The following PPFIBP2 variants were observed in gnomAD, a reference collection of about 807,000 sequenced individuals.
PPFIBP2 encodes PPFIB scaffold protein 2, also known as liprin-beta-2.
In PPFIBP2, 118 loss-of-function variants were observed where a neutral mutation model predicts 118.3. The ratio of observed to expected loss-of-function variants is 1.00; its 90% CI spans 0.86 to 1.16. The LOEUF (loss-of-function observed/expected upper bound fraction) is 1.16. Among genes scored for constraint, PPFIBP2 ranks in the 50% most tolerant of loss-of-function variants. The pLI is 0.00. For missense variants in PPFIBP2, 1,195 were observed against 1,073.1 expected, an observed-to-expected ratio of 1.11 and a Z score of -1.59; for synonymous variants, 414 against 397.4, an observed-to-expected ratio of 1.04 and a Z score of -0.50.
chr11:7,597,471 G>A, intron 4 of PPFIBP2, 89 bp from the exon 5 acceptor site: 1 of 1,530,236 alleles, frequency 6.5e-7, no homozygotes, highest in Admixed American at 1.9e-5. Flanking sequence ...AGTCAGTGGT[G>A]AGATTTAACG....
chr11:7,572,882 C>T (rs1309442165), intron 3 of PPFIBP2, among the ~76,000 whole-genome samples: 1 of 152,198 alleles, frequency 6.6e-6, no homozygotes, highest in Non-Finnish European at 1.5e-5. Flanking sequence ...CAGGTTCAAG[C>T]AATTCTCCTG....
chr11:7,628,521 T>C (rs578195382), intron 9 of PPFIBP2, among the ~76,000 whole-genome samples, 175 bp downstream of exon 9: 3 of 152,220 alleles, frequency 2.0e-5, no homozygotes, highest in Non-Finnish European at 4.4e-5. Flanking sequence ...CACCTGTTTT[T>C]GGCTTTGATA....
chr11:7,590,707 A>C (rs951770854), intron 3 of PPFIBP2, among the ~76,000 whole-genome samples: 5 of 152,246 alleles, frequency 3.3e-5, no homozygotes, highest in African/African-American at 1.2e-4. Context: ...TATTTACAGC[A>C]CTGTGCCTGG....
chr11:7,553,017 T>C (rs948679226), intron 2 of PPFIBP2, among the ~76,000 whole-genome samples: 3 of 152,146 alleles, frequency 2.0e-5, no homozygotes, highest in African/African-American at 7.2e-5. Flanking sequence ...CCATAATTGG[T>C]GGTTTTAGGC....
intron 3 of PPFIBP2, among the ~76,000 whole-genome samples, chr11:7,572,789 T>G (rs1361636322): frequency 6.6e-6 from 1 of 152,244 alleles, no homozygotes; most frequent in Non-Finnish European, 1.5e-5. Context: ...TGTTTTGTTT[T>G]GTTTTTTGAG....
intron 2 of PPFIBP2, among the ~76,000 whole-genome samples, chr11:7,552,912 A>G (rs1353994523): frequency 6.6e-6 from 1 of 152,070 alleles, no homozygotes; most frequent in African/African-American, 2.4e-5. Context: ...CACCTGACCT[A>G]TCACATTCAT....
chr11:7,597,388 G>A (rs1467277976), intron 4 of PPFIBP2, 172 bp from the exon 5 acceptor site: 39 of 1,537,146 alleles, frequency 2.5e-5, no homozygotes, highest in Non-Finnish European at 3.4e-5. Context: ...GAATCTAACT[G>A]CAGCTGCCTT....
intron 3 of PPFIBP2, chr11:7,577,650 G>A (rs552888695): frequency 2.2e-6 from 1 of 455,854 alleles, no homozygotes; most frequent in Non-Finnish European, 4.4e-6. Flanking sequence ...TAAGTGACTG[G>A]CTGCTTTGTC....
Position 7,616,704 on chromosome 11 carries a change from G to A in PPFIBP2, c.619-4231G>A, listed in dbSNP as rs1049963310. 1.8e-4 allele frequency among the ~76,000 whole-genome samples: 27 copies of A among 152,240 alleles called. No individual in the cohort carries two copies. Among genetic ancestry groups the A allele is most frequent in the South Asian group, 2.1e-4 (1 of 4,832 alleles). On this transcript the variant is annotated intron_variant, in intron 6 of 23. Transcript: ENST00000299492. The surrounding 1 kb of genome is among the most constrained non-coding windows in gnomAD (Gnocchi z 5.2). ...GTCCCCTGTGCATAGGTGCTGACAC[G>A]TTGGGTGTTTGGGTAAGGGGAGTCG...
intron 2 of PPFIBP2, among the ~76,000 whole-genome samples, chr11:7,562,386 G>A (rs1854399232): frequency 6.6e-6 from 1 of 152,186 alleles, no homozygotes; most frequent in African/African-American, 2.4e-5. Context: ...CTTATAACAT[G>A]GCAGCAGCCT....
At chr11:7,651,873 C>T in intron 23 of PPFIBP2, 29 bp downstream of exon 23, 11 of 1,586,730 alleles carry the variant, frequency 6.9e-6, no homozygotes, top group Middle Eastern at 3.6e-4. Context: ...CTGGGTGGGC[C>T]CTGGGCTGCC....
intron 2 of PPFIBP2, among the ~76,000 whole-genome samples, chr11:7,552,083 T>C (rs1230130561): frequency 6.6e-6 from 1 of 152,228 alleles, no homozygotes; most frequent in African/African-American, 2.4e-5. Flanking sequence ...GAGAGTTTTG[T>C]AGAGAGAAGG....
At chr11:7,571,430 A>ATG (rs5789528) in intron 3 of PPFIBP2, among the ~76,000 whole-genome samples, 1 of 151,116 alleles carries the variant, frequency 6.6e-6, no homozygotes, top group East Asian at 1.9e-4. Flanking sequence ...CAAAAAAAAA[A>ATG]GTGGAGAGAA....
intron 5 of PPFIBP2, among the ~76,000 whole-genome samples, chr11:7,602,240 A>T (rs750367821): frequency 2.0e-5 from 3 of 152,158 alleles, no homozygotes; most frequent in Non-Finnish European, 4.4e-5. Context: ...CCTTAAGCAG[A>T]TCAAGGCATT....
At position 7,639,851 on chromosome 11, in the gene PPFIBP2, G is replaced by T; in HGVS notation, c.1356G>T (p.Gly452=). Reference sequence around the variant, plus strand: ...CCATCTGCCAGCCTGACGCCACGGGGAGCAGCCTGCTGAGGCTGAGTGAGT... The same window carrying T: ...CCATCTGCCAGCCTGACGCCACGGGTAGCAGCCTGCTGAGGCTGAGTGAGT... ...PPTICQPDAT[G]SSLLRLRDTE... is the part of the protein sequence containing the mutation. The change falls in exon 15 of 24, where the codon GGG becomes GGT. Residue 452 remains glycine (G), a synonymous_variant. Coordinates refer to ENST00000299492, the MANE Select transcript of PPFIBP2 (RefSeq NM_003621.5). The T allele has an allele frequency of 1.9e-6, 3 of 1,614,098 alleles. No homozygotes were observed. The highest frequency in any genetic ancestry group is 1.7e-6 in the Non-Finnish European group (2 of 1,180,020).
intron 1 of PPFIBP2, among the ~76,000 whole-genome samples, chr11:7,518,383 G>C (rs1293866876): frequency 6.6e-6 from 1 of 152,132 alleles, no homozygotes. Context: ...GTGATTTCTG[G>C]AAGTTTTTCA....
intron 1 of PPFIBP2, among the ~76,000 whole-genome samples, chr11:7,540,253 G>C (rs1054174925): frequency 2.6e-5 from 4 of 152,168 alleles, no homozygotes; most frequent in Admixed American, 1.3e-4. Context: ...AGGGGTGTGG[G>C]GGGGCGGTGA....
intron 17 of PPFIBP2, among the ~76,000 whole-genome samples, chr11:7,644,723 T>G (rs771885846): frequency 1.3e-5 from 2 of 151,938 alleles, no homozygotes; most frequent in Non-Finnish European, 2.9e-5. Context: ...GTTTTGAAAA[T>G]TTTGCCTAAA....
At position 7,636,675 on chromosome 11, in the gene PPFIBP2, C is replaced by T. The variant is rs112597325; in HGVS notation, c.1236+1082C>T. On this transcript the variant is annotated intron_variant, in intron 14 of 23. Coordinates refer to ENST00000299492, the MANE Select transcript of PPFIBP2 (RefSeq NM_003621.5). ...TGGAAACACACCCAGCTCACAGGCT[C>T]AAGGTTTAAGACGCCAATTTGATTA... 5.6e-3 allele frequency among the ~76,000 whole-genome samples: 847 copies of T among 152,274 alleles called. 5 individuals are homozygous for T. Among genetic ancestry groups the T allele is most frequent in the African/African-American group, 0.019 (799 of 41,540 alleles).
Sources: gnomAD v4.1 joint callset for allele counts (sites outside exome capture counted in the v4.1 genomes callset) on GRCh38, gnomAD v4.1.1 for gene constraint, Gnocchi (gnomAD v3.1) non-coding constraint, MANE v1.5 for transcripts, NCBI Gene and HGNC (gene_info 2026-07-23, HGNC 2026-07-21) for gene names.